Variants in HPS3 observed in about 807,000 individuals in gnomAD.
HPS3 encodes HPS3 biogenesis of lysosomal organelles complex 2 subunit 1, also known as BLOC-2 complex member HPS3.
HPS3 carries 79 observed loss-of-function variants against 110.9 expected under a neutral mutation model. The observed-to-expected ratio is 0.71, with a 90% CI of 0.59 to 0.86. HPS3 has a LOEUF of 0.86. HPS3 is among the 40% of genes least tolerant of loss of function. The pLI is 0.00. For synonymous variants in HPS3, 428 were observed against 451.0 expected (o/e 0.95, Z 0.65); for missense variants, 1,197 against 1,206.2 (o/e 0.99, Z 0.11).
Position 149,172,290 on chromosome 3 carries a change from C to A in HPS3, c.*68C>A. The A allele has an allele frequency of 1.9e-5, 22 of 1,159,384 alleles. No homozygotes were observed. The highest frequency in any genetic ancestry group is 2.7e-5 in the East Asian group (1 of 37,010). The allele number at this position is 1,159,384 out of a possible 1,614,324, so 71.8% of individuals were successfully genotyped here. ...TTTCTAAAAATTGAATGCCAAAGTA[C>A]AAGTAGAGGAGTTTTTTATTTTATA... On this transcript the variant is annotated 3_prime_UTR_variant, in exon 17 of 17. Transcript: ENST00000296051.
chr3:149,167,454 C>T (rs944549616), intron 15 of HPS3, among the ~76,000 whole-genome samples: 6 of 152,276 alleles, frequency 3.9e-5, no homozygotes, highest in Middle Eastern at 3.4e-3. Context: ...CATCATTAAA[C>T]ATCTTTTGTT....
intron 16 of HPS3, 30 bp from the exon 17 acceptor site, chr3:149,172,065 A>G (rs1419825235): frequency 2.5e-6 from 4 of 1,608,526 alleles, no homozygotes; most frequent in African/African-American, 1.3e-5. Context: ...CAGACTTTCA[A>G]TTCTAATTCA....
rs772903 is a variant in HPS3, at chr3:149,158,474, T to G, written c.1692-192T>G. On this transcript the variant is annotated intron_variant, in intron 9 of 16. Transcript: ENST00000296051. ...CATGATATATTCTGTTATAGAATGT[T>G]TTAGATATCCAGGTTTAAAAATTCC... 0.7 allele frequency among the ~76,000 whole-genome samples: 107,066 copies of G among 152,082 alleles called. 38,548 individuals carry two copies. Among genetic ancestry groups the G allele is most frequent in the African/African-American group, 0.86 (35,759 of 41,502 alleles).
In HPS3 at chr3:149,153,550, C is replaced by G. The variant is rs780344220; in HGVS notation, c.1302C>G (p.Gly434=). Residue 434 remains glycine, a synonymous_variant, in exon 7 of 17, where the codon GGC becomes GGG. Transcript: ENST00000296051. The part of the protein sequence containing the change: ...VCALRIQLFI[G]LKAICHFKNH... ...CTTTAAGAATACAGCTTTTCATAGG[C>G]TTGAAAGCCATCTGTCACTTTAAAA... 1.2e-6 allele frequency: 2 copies of G among 1,613,766 alleles called. No individual in the cohort carries two copies.
chr3:149,171,442 A>C (rs1391895125), intron 16 of HPS3, among the ~76,000 whole-genome samples: 1 of 152,230 alleles, frequency 6.6e-6, no homozygotes, highest in Non-Finnish European at 1.5e-5. Flanking sequence ...TTTATAAATT[A>C]GCTTAGTATA....
intron 7 of HPS3, 43 bp downstream of exon 7, chr3:149,153,691 A>G: frequency 6.3e-7 from 1 of 1,590,502 alleles, no homozygotes; most frequent in Non-Finnish European, 8.6e-7. Flanking sequence ...AGTTTCTGGA[A>G]TGAGTTGTAA....
rs763389417 is a variant in HPS3, at chr3:149,153,665, C to T, written c.1400+17C>T. 3 of 1,613,358 alleles carry T rather than the reference C, an allele frequency of 1.9e-6. No individual in the cohort carries two copies. Among genetic ancestry groups the T allele is most frequent in the Admixed American group, 1.7e-5 (1 of 60,018 alleles). ...GAGGCTTCTGTAAGCATCCCCTTGC[C>T]CCAGGCATTCCTGCCAGTTTCTGGA... On this transcript the variant is annotated intron_variant, in intron 7 of 16. Coordinates refer to ENST00000296051, the MANE Select transcript of HPS3 (RefSeq NM_032383.5).
Position 149,129,704 on chromosome 3 carries a change from C to T in HPS3, c.-20C>T, listed in dbSNP as rs760117691. 1.3e-5 allele frequency: 21 copies of T among 1,556,010 alleles called. No homozygotes were observed. The highest frequency in any genetic ancestry group is 1.8e-5 in the Non-Finnish European group (21 of 1,153,090). On this transcript the variant is annotated 5_prime_UTR_variant, in exon 1 of 17. Transcript: ENST00000296051. ...CGCCCTGCAGGGCGGGCAGGCTGTG[C>T]CATCCCGCCGGACGTCGGGATGGTG...
At chr3:149,149,147 T>C (rs1257959192) in intron 5 of HPS3, among the ~76,000 whole-genome samples, 2 of 149,788 alleles carry the variant, frequency 1.3e-5, no homozygotes, top group African/African-American at 4.9e-5. Flanking sequence ...GTATTTTTAG[T>C]AGAGACGGGG....
intron 6 of HPS3, among the ~76,000 whole-genome samples, chr3:149,151,194 A>AT (rs1244452022): frequency 8.1e-5 from 11 of 136,320 alleles, no homozygotes; most frequent in Admixed American, 2.2e-4. Flanking sequence ...TATTATTATT[A>AT]TTATTATTAT....
intron 7 of HPS3, 28 bp downstream of exon 7, chr3:149,153,676 C>G: frequency 6.2e-7 from 1 of 1,610,292 alleles, no homozygotes; most frequent in Non-Finnish European, 8.5e-7. Flanking sequence ...CCAGGCATTC[C>G]TGCCAGTTTC....
In HPS3 at chr3:149,167,050, C is replaced by T. The variant is rs1724496107; in HGVS notation, c.2606C>T (p.Pro869Leu). 6.2e-7 allele frequency: 1 copy of T among 1,613,096 alleles called. No individual in the cohort carries two copies. Among genetic ancestry groups the T allele is most frequent in the South Asian group, 1.1e-5 (1 of 91,066 alleles). ...TGTTCATAGTCTCTTATATGTGGTC[C>T]TTCATTTGACATAGCTTCCATTATT... is the stretch of plus-strand genomic sequence containing the variant. ...LSKLQSLICG[P>L]SFDIASIIPF... is the part of the protein sequence containing the mutation. Residue 869 changes from proline (P) to leucine (L), a missense_variant, in exon 15 of 17, where the codon CCT becomes CTT. Physicochemically the swap from Pro to Leu is moderately conservative, Grantham distance 98. Transcript: ENST00000296051.
Position 149,172,013 on chromosome 3 carries a change from C to T in HPS3, c.2888-82C>T, listed in dbSNP as rs1384945420. 7.7e-6 allele frequency: 11 copies of T among 1,436,414 alleles called. No homozygotes were observed. The East Asian group carries it at 2.4e-4, about 31-fold the overall frequency. The allele number at this position is 1,436,414 out of a possible 1,614,324, so 89.0% of individuals were successfully genotyped here. On this transcript the variant is annotated intron_variant, in intron 16 of 16. Transcript: ENST00000296051. ...AGCCACCACGCCTGGCCTGAACTGG[C>T]TTCTAATTGGTTGGTTAAGTAAGAA...
chr3:149,150,424 C>T (rs954039610), intron 5 of HPS3, among the ~76,000 whole-genome samples, 175 bp from the exon 6 acceptor site: 1 of 152,176 alleles, frequency 6.6e-6, no homozygotes, highest in Non-Finnish European at 1.5e-5. Context: ...TAAAAACACA[C>T]CACAGGGATT....
In HPS3 at chr3:149,171,276, C is replaced by CAA. The variant is rs547538833; in HGVS notation, c.2888-808_2888-807dup. Among the ~76,000 whole-genome samples the CAA allele has an allele frequency of 5.5e-4, 77 of 140,910 alleles. No homozygotes were observed. The East Asian group carries it at 0.014, about 25-fold the overall frequency. The allele number at this position is 140,910 out of a possible 152,430, so 92.4% of individuals were successfully genotyped here. A position where few individuals can be genotyped will look rare whatever the true frequency, so the allele number is the denominator to read the frequency against. ...ATGGTGACAGAGCGAGACTCCGTCTCAAAAAAAAAAAATATATTGTTCATT... is the reference window on the plus strand; with the variant it reads ...ATGGTGACAGAGCGAGACTCCGTCTCAAAAAAAAAAAAAATATATTGTTCATT... On this transcript the variant is annotated intron_variant, in intron 16 of 16. Transcript: ENST00000296051.
At chr3:149,167,586 T>C (rs1164906704) in intron 15 of HPS3, among the ~76,000 whole-genome samples, 1 of 152,212 alleles carries the variant, frequency 6.6e-6, no homozygotes, top group Non-Finnish European at 1.5e-5. Context: ...TTCTTTTTTT[T>C]CTTCATTCCT....
At chr3:149,170,451 T>A (rs575295902) in intron 16 of HPS3, 30 of 152,368 alleles carry the variant, frequency 2.0e-4, no homozygotes, top group African/African-American at 7.0e-4. Flanking sequence ...TTATGTCAGA[T>A]GTGCATCATT....
chr3:149,140,940 A>C (rs773842435), intron 2 of HPS3, 77 bp from the exon 3 acceptor site: 65 of 1,280,096 alleles, frequency 5.1e-5, no homozygotes, highest in Non-Finnish European at 7.1e-5. Context: ...TGAAATTACT[A>C]TATGTCTAAT....
chr3:149,153,547 A>G lies in HPS3; in HGVS notation c.1299A>G (p.Ile433Met). Residue 433 changes from isoleucine (I) to methionine (M), a missense_variant, in exon 7 of 17, where the codon ATA (isoleucine) becomes ATG (methionine). Ile to Met is a conservative substitution (Grantham distance 10, BLOSUM62 1). Transcript: ENST00000296051. ...DVCALRIQLF[I>M]GLKAICHFKN... ...GTGCTTTAAGAATACAGCTTTTCAT[A>G]GGCTTGAAAGCCATCTGTCACTTTA... is the stretch of plus-strand genomic sequence containing the variant. 2 of 1,613,830 alleles carry G rather than the reference A, an allele frequency of 1.2e-6. No individual in the cohort carries two copies. The highest frequency in any genetic ancestry group is 1.3e-5 in the African/African-American group (1 of 75,048).
Sources: gnomAD v4.1 joint callset for allele counts (sites outside exome capture counted in the v4.1 genomes callset) on GRCh38, gnomAD v4.1.1 for gene constraint, MANE v1.5 for transcripts, NCBI Gene and HGNC (gene_info 2026-07-23, HGNC 2026-07-21) for gene names.